The following PCNX1 variants were observed in gnomAD, a reference collection of about 807,000 sequenced individuals.
The protein encoded by PCNX1 is pecanex 1, also known as pecanex-like protein 1.
A neutral mutation model predicts 242.2 loss-of-function variants in PCNX1; 78 were observed. The ratio of observed to expected loss-of-function variants is 0.32; its 90% CI spans 0.27 to 0.39. The LOEUF is 0.39. Ranked by LOEUF, PCNX1 falls within the 10% of genes least tolerant of loss-of-function variation. The pLI is 1.00. For missense variants in PCNX1, 2,581 were observed against 2,856.5 expected, an observed-to-expected ratio of 0.90 and a Z score of 2.20; for synonymous variants, 1,024 against 1,032.9, an observed-to-expected ratio of 0.99 and a Z score of 0.17.
intron 12 of PCNX1, among the ~76,000 whole-genome samples, chr14:71,021,907 T>A (rs563737852): frequency 1.3e-5 from 2 of 152,318 alleles, no homozygotes; most frequent in Admixed American, 1.3e-4. Context: ...GGTTTACAGT[T>A]CCTTTCCAGT....
intron 7 of PCNX1, among the ~76,000 whole-genome samples, chr14:70,990,413 A>T (rs895118493): frequency 6.6e-6 from 1 of 151,596 alleles, no homozygotes; most frequent in African/African-American, 2.4e-5. Context: ...AAAAAAAAAA[A>T]ATTAGCTGGG....
chr14:71,082,600 G>A lies in PCNX1; in HGVS notation c.5338-5730G>A, dbSNP rs776547758. Among the ~76,000 whole-genome samples the A allele has an allele frequency of 5.4e-5, 8 of 149,124 alleles. No individual in the cohort carries two copies. The South Asian group carries it at 6.3e-4, about 12-fold the overall frequency. Reference sequence around the variant, plus strand: ...TTCTCGCTACATTGATCCCTTTACCGTAGCTTTTCTTTGTCTTTTTTGATC... The same window carrying A: ...TTCTCGCTACATTGATCCCTTTACCATAGCTTTTCTTTGTCTTTTTTGATC... On this transcript the variant is annotated intron_variant, in intron 28 of 35. Transcript: ENST00000304743.
chr14:71,053,261 T>TTTTTC (rs1158933693), intron 24 of PCNX1: 3 of 453,002 alleles, frequency 6.6e-6, no homozygotes, highest in East Asian at 1.4e-4. Flanking sequence ...ATACTCTTTT[T>TTTTTC]TTTTCTTTTC....
Position 71,112,373 on chromosome 14 carries a change from A to G in PCNX1, c.*2438A>G, listed in dbSNP as rs2062768412. On this transcript the variant is annotated 3_prime_UTR_variant, in exon 36 of 36. Coordinates refer to ENST00000304743, the MANE Select transcript of PCNX1 (RefSeq NM_014982.3). The stretch of plus-strand genomic sequence containing the variant: ...ATATATTTTTCTCAAAACAAGTTGA[A>G]TTTTGTTAACATATATAATTCTTTA... 1 of 152,080 alleles carries G rather than the reference A, an allele frequency of 6.6e-6. No individual in the cohort carries two copies. Among genetic ancestry groups the G allele is most frequent in the South Asian group, 2.1e-4 (1 of 4,836 alleles). 9.4% of individuals were successfully genotyped at this position (152,080 alleles called of 1,614,324 possible).
chr14:71,014,059 A>G (rs1289191723), intron 11 of PCNX1, among the ~76,000 whole-genome samples: 1 of 152,224 alleles, frequency 6.6e-6, no homozygotes, highest in East Asian at 1.9e-4. Context: ...GTGAAAAGGA[A>G]CAGAGGAACA....
At chr14:71,035,735 C>T (rs946009527) in intron 18 of PCNX1, among the ~76,000 whole-genome samples, 1 of 151,624 alleles carries the variant, frequency 6.6e-6, no homozygotes, top group Non-Finnish European at 1.5e-5. Context: ...TGGTGAAACC[C>T]TGTCTCTACT....
chr14:71,028,029 A>G (rs1037447330), intron 15 of PCNX1, among the ~76,000 whole-genome samples: 4 of 152,038 alleles, frequency 2.6e-5, no homozygotes, highest in African/African-American at 9.6e-5. Context: ...TTAAATTACT[A>G]CTAAAGAAAA....
At chr14:71,050,925 C>CT (rs1261494778) in intron 23 of PCNX1, among the ~76,000 whole-genome samples, 165 bp downstream of exon 23, 2 of 152,016 alleles carry the variant, frequency 1.3e-5, no homozygotes, top group African/African-American at 4.8e-5. Flanking sequence ...TCCCAGCACT[C>CT]TGGGAGGCCG....
chr14:71,002,280 G>A (rs1305478847), intron 8 of PCNX1, among the ~76,000 whole-genome samples: 1 of 152,126 alleles, frequency 6.6e-6, no homozygotes, highest in Non-Finnish European at 1.5e-5. Flanking sequence ...CTTAGTATCT[G>A]GTAGGAATTT....
Position 70,971,115 on chromosome 14 carries a change from G to GGTTTTTTTTT in PCNX1, c.604+2005_604+2006insGTTTTTTTTT, listed in dbSNP as rs2058526155. On this transcript the variant is annotated intron_variant, in intron 5 of 35. Coordinates refer to ENST00000304743, the MANE Select transcript of PCNX1 (RefSeq NM_014982.3). The stretch of plus-strand genomic sequence containing the variant: ...AATCTATGCTATACTACTTTATATA[G>GGTTTTTTTTT]TTTTTTTTTTTTTTTTTTTTTTTTT... 1.4e-4 allele frequency among the ~76,000 whole-genome samples: 2 copies of GGTTTTTTTTT among 14,510 alleles called. 1 individual carries two copies. The highest frequency in any genetic ancestry group is 2.4e-4 in the Non-Finnish European group (2 of 8,254). The allele number at this position is 14,510 out of a possible 152,430, so 9.5% of individuals were successfully genotyped here.
chr14:70,948,399 A>C (rs1420863872), intron 2 of PCNX1, among the ~76,000 whole-genome samples: 1 of 152,170 alleles, frequency 6.6e-6, no homozygotes, highest in Non-Finnish European at 1.5e-5. Context: ...GGAAAATAGA[A>C]AAGAACCTAC....
intron 7 of PCNX1, among the ~76,000 whole-genome samples, chr14:70,990,692 T>C (rs749601233): frequency 8.5e-5 from 13 of 152,078 alleles, no homozygotes; most frequent in Non-Finnish European, 1.5e-4. Context: ...GAGAAGACAA[T>C]CAATTTAACA....
chr14:71,091,931 A>G (rs926087369), intron 30 of PCNX1, among the ~76,000 whole-genome samples: 13 of 152,302 alleles, frequency 8.5e-5, no homozygotes, highest in African/African-American at 2.9e-4. Context: ...TTTCCAGTAA[A>G]TTGTGTATTT....
At chr14:70,963,253 C>T (rs1458031288) in intron 3 of PCNX1, among the ~76,000 whole-genome samples, 4 of 152,124 alleles carry the variant, frequency 2.6e-5, no homozygotes. Flanking sequence ...TTTCAAACAC[C>T]TTATGGTGTT....
intron 1 of PCNX1, among the ~76,000 whole-genome samples, chr14:70,943,289 G>A (rs1019667389): frequency 5.9e-5 from 9 of 152,166 alleles, no homozygotes; most frequent in Admixed American, 1.3e-4. Context: ...GGGAAAGTTT[G>A]GAACTTCCTA....
chr14:71,030,100 A>T (rs904489646), intron 16 of PCNX1, among the ~76,000 whole-genome samples: 1 of 152,072 alleles, frequency 6.6e-6, no homozygotes, highest in East Asian at 1.9e-4. Context: ...TTTAGTTTTA[A>T]TTTTTATCAG....
chr14:71,009,727 ATG>A lies in PCNX1; in HGVS notation c.2720+8_2720+9del. The A allele has an allele frequency of 6.4e-7, 1 of 1,558,438 alleles. No individual in the cohort carries two copies. Among genetic ancestry groups the A allele is most frequent in the Non-Finnish European group, 8.8e-7 (1 of 1,132,212 alleles). ...GCAAGAAGAGCATCCAATATCTGGT[ATG>A]TGTGAAGTCATATTAGGAGTGTGTG... On this transcript the variant is annotated splice_donor_5th_base_variant and intron_variant, in intron 9 of 35. Coordinates refer to ENST00000304743, the MANE Select transcript of PCNX1 (RefSeq NM_014982.3).
chr14:70,926,654 G>A (rs1019798559), intron 1 of PCNX1, among the ~76,000 whole-genome samples: 5 of 152,022 alleles, frequency 3.3e-5, no homozygotes, highest in African/African-American at 1.2e-4. Context: ...AAGTGTCAAC[G>A]GTGCCCACAG....
chr14:71,004,115 T>G (rs930186227), intron 8 of PCNX1, among the ~76,000 whole-genome samples: 1 of 152,260 alleles, frequency 6.6e-6, no homozygotes, highest in Admixed American at 6.5e-5. Context: ...TTTGTGTTTA[T>G]GTTCTGTATT....
Sources: gnomAD v4.1 joint callset for allele counts (sites outside exome capture counted in the v4.1 genomes callset) on GRCh38, gnomAD v4.1.1 for gene constraint, MANE v1.5 for transcripts, NCBI Gene and HGNC (gene_info 2026-07-23, HGNC 2026-07-21) for gene names.